Variants in ANAPC1 observed in about 807,000 individuals in gnomAD.
The protein encoded by ANAPC1 is anaphase promoting complex subunit 1.
In ANAPC1, 36 loss-of-function variants were observed where a neutral mutation model predicts 208.0. The observed-to-expected ratio is 0.17, with a 90% CI of 0.13 to 0.23. The LOEUF (loss-of-function observed/expected upper bound fraction) is 0.23, where lower values mean the gene tolerates loss of function less well. ANAPC1 is among the 10% of genes least tolerant of loss of function. The pLI, the probability that ANAPC1 is intolerant of heterozygous loss-of-function variation, is 1.00. For missense variants in ANAPC1, 942 were observed against 2,011.6 expected (o/e 0.47, Z 10.17); for synonymous variants, 378 against 695.2 (o/e 0.54, Z 7.18).
chr2:111,839,922 T>TAAGGTTG, intron 17 of ANAPC1, among the ~76,000 whole-genome samples: 1 of 152,168 alleles, frequency 6.6e-6, no homozygotes, highest in Non-Finnish European at 1.5e-5. Context: ...CCCTGTTATA[T>TAAGGTTG]GCTCCTATGG....
chr2:111,875,386 TAC>T (rs1378543313), intron 3 of ANAPC1, among the ~76,000 whole-genome samples: 2 of 152,168 alleles, frequency 1.3e-5, no homozygotes, highest in Non-Finnish European at 2.9e-5. Context: ...ATGCACCGAT[TAC>T]AGTCTCAACT....
chr2:111,838,489 A>C lies in ANAPC1; in HGVS notation c.2064T>G (p.Ser688=). The stretch of plus-strand genomic sequence containing the variant: ...TTGCTTTTTTGGGCGCAATGACAGG[A>C]GAAAGTGATCCTTCAAAGTCAAACT... ...TRNFDFEGSL[S]PVIAPKKARP... The change falls in exon 18 of 48, where the codon TCT becomes TCG. Residue 688 remains serine (S), a synonymous_variant. Transcript: ENST00000341068. 1 of 1,607,338 alleles carries C rather than the reference A, an allele frequency of 6.2e-7. No individual in the cohort carries two copies. The highest frequency in any genetic ancestry group is 8.5e-7 in the Non-Finnish European group (1 of 1,178,060).
intron 10 of ANAPC1, among the ~76,000 whole-genome samples, chr2:111,859,492 A>C (rs1573481422): frequency 1.3e-5 from 2 of 152,210 alleles, no homozygotes; most frequent in African/African-American, 4.8e-5. Flanking sequence ...TAAATAAATA[A>C]ATAAATAGTG....
chr2:111,795,225 T>C (rs1678100224), intron 34 of ANAPC1, among the ~76,000 whole-genome samples: 3 of 152,234 alleles, frequency 2.0e-5, no homozygotes, highest in African/African-American at 7.2e-5. Flanking sequence ...CTATTAAAAA[T>C]ACAAAAATTA....
chr2:111,838,587 G>A (rs1418192299), intron 17 of ANAPC1, 75 bp from the exon 18 acceptor site: 3 of 1,285,414 alleles, frequency 2.3e-6, no homozygotes, highest in Admixed American at 2.4e-5. Flanking sequence ...CAAGGATTCA[G>A]AAATCAGTTC....
At position 111,825,647 on chromosome 2, in the gene ANAPC1, C is replaced by T. The variant is rs11887167; in HGVS notation, c.2704+130G>A. On this transcript the variant is annotated intron_variant, in intron 22 of 47. Coordinates refer to ENST00000341068, the MANE Select transcript of ANAPC1 (RefSeq NM_022662.4). ...ATTAGTTGTGGACAAAAGACCGCAA[C>T]AGACCAGAACAGTACTAAAAAGGTA... is the stretch of plus-strand genomic sequence containing the variant. 1,427 of 822,762 alleles carry T rather than the reference C, an allele frequency of 1.7e-3. 20 individuals are homozygous for T. The African/African-American group carries it at 0.018, about 10-fold the overall frequency. The allele number at this position is 822,762 out of a possible 1,614,324, so 51.0% of individuals were successfully genotyped here. A position where few individuals can be genotyped will look rare whatever the true frequency, so the allele number is the denominator to read the frequency against.
At chr2:111,771,620 G>A (rs1047995264) in intron 47 of ANAPC1, among the ~76,000 whole-genome samples, 8 of 150,890 alleles carry the variant, frequency 5.3e-5, no homozygotes, top group African/African-American at 1.9e-4. Flanking sequence ...TTGTTTTTGA[G>A]GGCAAGTGAG....
intron 24 of ANAPC1, among the ~76,000 whole-genome samples, chr2:111,823,327 T>C (rs1333660587): frequency 6.6e-6 from 1 of 152,066 alleles, no homozygotes; most frequent in Non-Finnish European, 1.5e-5. Context: ...CAAGCAACAA[T>C]AATGCTTATC....
intron 47 of ANAPC1, among the ~76,000 whole-genome samples, chr2:111,770,685 T>C (rs1408398930): frequency 2.2e-5 from 3 of 137,562 alleles, no homozygotes; most frequent in Non-Finnish European, 3.1e-5. Context: ...GATAAGTGTC[T>C]TCCAGTTCAC....
At chr2:111,864,540 C>T (rs1167072603) in intron 8 of ANAPC1, among the ~76,000 whole-genome samples, 4 of 145,604 alleles carry the variant, frequency 2.7e-5, no homozygotes, top group South Asian at 2.2e-4. Context: ...TCTTGGCTCA[C>T]GGCAACCTAC....
At chr2:111,792,832 G>A (rs1232566238) in intron 37 of ANAPC1, among the ~76,000 whole-genome samples, 3 of 152,116 alleles carry the variant, frequency 2.0e-5, no homozygotes, top group South Asian at 4.2e-4. Context: ...GGGCGCCTGT[G>A]GTCCCAGCTG....
In ANAPC1 at chr2:111,863,742, T is replaced by A; in HGVS notation, c.985A>T (p.Ser329Cys). Reference sequence around the variant, plus strand: ...AGACTGGGTGATGAGGTTGAGCGACTCTGGCTGTGAATGGAGGAGTAATTC... The same window carrying A: ...AGACTGGGTGATGAGGTTGAGCGACACTGGCTGTGAATGGAGGAGTAATTC... ...FQNYSSIHSQ[S>C]RSTSSPSLHS... Residue 329 changes from serine (S) to cysteine (C), a missense_variant, in exon 9 of 48, where the codon AGT becomes TGT. Physicochemically the swap from Ser to Cys is moderately radical, Grantham distance 112. Transcript: ENST00000341068. 2 of 1,613,956 alleles carry A rather than the reference T, an allele frequency of 1.2e-6. No individual in the cohort carries two copies. Among genetic ancestry groups the A allele is most frequent in the Non-Finnish European group, 1.7e-6 (2 of 1,179,858 alleles).
intron 18 of ANAPC1, among the ~76,000 whole-genome samples, chr2:111,837,388 G>A (rs532366955): frequency 2.6e-5 from 4 of 152,100 alleles, no homozygotes; most frequent in South Asian, 4.1e-4. Context: ...TTGGGAGGCC[G>A]AGGTGGGCAG....
intron 26 of ANAPC1, among the ~76,000 whole-genome samples, chr2:111,820,906 G>A (rs1191876613): frequency 2.1e-5 from 3 of 144,510 alleles, no homozygotes; most frequent in Admixed American, 1.4e-4. Flanking sequence ...CAAGTCCAGT[G>A]TTTTCTTTGT....
intron 46 of ANAPC1, among the ~76,000 whole-genome samples, chr2:111,775,522 T>A (rs1676958584): frequency 1.3e-5 from 2 of 152,266 alleles, no homozygotes; most frequent in South Asian, 4.1e-4. Context: ...GGTTTTGTTT[T>A]AAAAAAAATT....
At chr2:111,833,844 T>C (rs1258462845) in intron 19 of ANAPC1, among the ~76,000 whole-genome samples, 10 of 152,132 alleles carry the variant, frequency 6.6e-5, no homozygotes, top group Admixed American at 2.6e-4. Context: ...TGTCTCAGGA[T>C]TGAATTTCAA....
chr2:111,829,797 C>T (rs144009093), intron 21 of ANAPC1, among the ~76,000 whole-genome samples: 5 of 152,050 alleles, frequency 3.3e-5, no homozygotes, highest in African/African-American at 1.2e-4. Flanking sequence ...GGGACGGGCA[C>T]GGTGGCTCAC....
chr2:111,869,214 T>C (rs1682601944), intron 6 of ANAPC1, among the ~76,000 whole-genome samples: 1 of 152,090 alleles, frequency 6.6e-6, no homozygotes, highest in Admixed American at 6.6e-5. Flanking sequence ...AGCAGCACAA[T>C]GAGAAAATGG....
intron 26 of ANAPC1, among the ~76,000 whole-genome samples, chr2:111,819,983 T>G (rs560052128): frequency 2.0e-5 from 3 of 152,284 alleles, no homozygotes; most frequent in African/African-American, 7.2e-5. Context: ...TTACACATAA[T>G]TCACTTCAAC....
Sources: allele counts gnomAD v4.1 joint callset (sites outside exome capture counted in the v4.1 genomes callset), GRCh38; gene constraint gnomAD v4.1.1; transcripts MANE v1.5; gene names NCBI Gene and HGNC (gene_info 2026-07-23, HGNC 2026-07-21).